ZIM2: variants seen among roughly 807,000 people sequenced by gnomAD.
ZIM2 encodes zinc finger imprinted 2.
In ZIM2, 14 loss-of-function variants were observed where a neutral mutation model predicts 38.6. That is an observed-to-expected ratio of 0.36 (90% CI 0.24 to 0.57). The LOEUF (loss-of-function observed/expected upper bound fraction) is 0.57. Ranked by LOEUF, ZIM2 falls within the 20% of genes least tolerant of loss-of-function variation. The probability of loss-of-function intolerance (pLI) is 0.81; values close to 1 mark genes in which losing one functional copy is unlikely to be tolerated. For synonymous variants in ZIM2, 247 were observed against 245.8 expected (o/e 1.00, Z -0.04); for missense variants, 680 against 695.1 (o/e 0.98, Z 0.24).
chr19:56,786,659 A>C (rs921134969), intron 10 of ZIM2, among the ~76,000 whole-genome samples: 1 of 152,150 alleles, frequency 6.6e-6, no homozygotes, highest in Admixed American at 6.5e-5. Context: ...ACGGCCAGAT[A>C]AAATTCAGCA....
intron 4 of ZIM2, 31 bp downstream of exon 4, chr19:56,824,231 C>G: frequency 6.2e-7 from 1 of 1,605,192 alleles, no homozygotes; most frequent in East Asian, 2.2e-5. Context: ...GAGGCCTGCA[C>G]TGACCACCAA....
chr19:56,782,208 C>G (rs2046363287), intron 10 of ZIM2, 87 bp from the exon 11 acceptor site: 2 of 1,531,246 alleles, frequency 1.3e-6, no homozygotes, highest in Non-Finnish European at 1.8e-6. Context: ...TCCACGTGCT[C>G]TAATCCAGAG....
rs768543949 is a variant in ZIM2, at chr19:56,823,633, G to A, written c.63C>T (p.Asn21=). The A allele has an allele frequency of 9.9e-6, 16 of 1,614,150 alleles. No homozygotes were observed. In the South Asian group the frequency reaches 1.8e-4, roughly 18 times the overall value. The change falls in exon 5 of 13, where the codon AAC becomes AAT. Residue 21 remains asparagine, a synonymous_variant. Transcript: ENST00000629319. ...DVTSDDDMTR[N]RRESSPPHSV... ...AGTGAGGTGGTGAGGACTCTCTTCT[G>A]TTCCGGGTCATGTCGTCGTCGCTGG...
chr19:56,821,727 G>A lies in ZIM2; in HGVS notation c.218C>T (p.Pro73Leu), dbSNP rs763203724. ...SRMPPRDLSL[P>L]VVAKTSFEMD... ...TTCAAAGCTTGTTTTCGCCACCACA[G>A]GAAGGGAAAGATCCCGCGGAGGCAT... Residue 73 changes from proline to leucine, a missense_variant, in exon 7 of 13, where the codon CCT becomes CTT. Transcript: ENST00000629319. 5.6e-6 allele frequency: 9 copies of A among 1,613,948 alleles called. No homozygotes were observed. The highest frequency in any genetic ancestry group is 8.5e-7 in the Non-Finnish European group (1 of 1,180,028).
At chr19:56,823,406 C>G (rs2060694187) in intron 5 of ZIM2, among the ~76,000 whole-genome samples, 184 bp downstream of exon 5, 1 of 152,140 alleles carries the variant, frequency 6.6e-6, no homozygotes, top group Non-Finnish European at 1.5e-5. Context: ...TTTAAGGTGT[C>G]TGTTTAGATA....
chr19:56,792,044 G>A (rs2145924889), intron 9 of ZIM2, among the ~76,000 whole-genome samples: 1 of 113,140 alleles, frequency 8.8e-6, no homozygotes, highest in Middle Eastern at 4.5e-3. Context: ...TTTTTTTGTA[G>A]TGTGTCTGTC....
chr19:56,835,667 T>TG (rs1320642884), intron 2 of ZIM2, among the ~76,000 whole-genome samples: 3 of 152,244 alleles, frequency 2.0e-5, no homozygotes, highest in Non-Finnish European at 4.4e-5. Flanking sequence ...TTTCCCCCAT[T>TG]GGGGCTATGT....
rs2059831970 is a variant in ZIM2, at chr19:56,814,914, T to C, written c.490+2832A>G. ...GGATTCTCTGATGCTCGAAAAGGAA[T>C]GAGCTATGAATAAAAGATTCCCCAC... On this transcript the variant is annotated intron_variant, in intron 9 of 12. Transcript: ENST00000629319. The surrounding 1 kb of genome is among the most constrained non-coding windows in gnomAD (Gnocchi z 5.8). 1.9e-6 allele frequency: 3 copies of C among 1,613,514 alleles called. No homozygotes were observed. The highest frequency in any genetic ancestry group is 1.7e-5 in the Admixed American group (1 of 60,008).
intron 2 of ZIM2, among the ~76,000 whole-genome samples, chr19:56,828,825 C>T (rs981678805): frequency 8.5e-5 from 13 of 152,052 alleles, no homozygotes; most frequent in African/African-American, 2.7e-4. Flanking sequence ...TAAAATATTA[C>T]AATAAACCTT....
rs370487905 is a variant in ZIM2 at position 56,822,744 on chromosome 19, A to G, written c.190+9T>C. 3.3e-5 allele frequency: 54 copies of G among 1,613,838 alleles called. No individual in the cohort carries two copies. The African/African-American group carries it at 6.4e-4, about 19-fold the overall frequency. On this transcript the variant is annotated intron_variant, in intron 6 of 12. Transcript: ENST00000629319. ...TCTCCTACTGGGAAAGAAAGTGGTT[A>G]AGACTCACTGCTTCTTGGGTTCCTG...
At chr19:56,813,240 C>G (rs1450817292) in intron 9 of ZIM2, 24 of 979,212 alleles carry the variant, frequency 2.5e-5, no homozygotes, top group Non-Finnish European at 2.7e-5. Flanking sequence ...GGTAAGGTAC[C>G]TCTGCAGAGT....
intron 9 of ZIM2, among the ~76,000 whole-genome samples, chr19:56,803,601 G>A (rs1176609362): frequency 6.6e-6 from 1 of 152,182 alleles, no homozygotes; most frequent in East Asian, 1.9e-4. Context: ...GAAGGAAAGG[G>A]GCAGGTTAAA....
chr19:56,826,761 T>C (rs1216326346), intron 2 of ZIM2, among the ~76,000 whole-genome samples: 1 of 152,214 alleles, frequency 6.6e-6, no homozygotes, highest in East Asian at 1.9e-4. Flanking sequence ...TTAATGCTGC[T>C]ATTATTGAAC....
chr19:56,832,619 G>T (rs1040100044), intron 2 of ZIM2, among the ~76,000 whole-genome samples: 4 of 152,202 alleles, frequency 2.6e-5, no homozygotes, highest in Admixed American at 6.5e-5. Flanking sequence ...GCACACAAGG[G>T]CTAGCTGACT....
intron 9 of ZIM2, among the ~76,000 whole-genome samples, chr19:56,794,935 A>G (rs2047118802): frequency 6.6e-6 from 1 of 152,166 alleles, no homozygotes; most frequent in Admixed American, 6.5e-5. Context: ...TTTATTCTTT[A>G]ATTTTACATT....
chr19:56,775,490 T>C lies in ZIM2; in HGVS notation c.875A>G (p.Asn292Ser), dbSNP rs1368006859. 1 of 1,613,662 alleles carries C rather than the reference T, an allele frequency of 6.2e-7. No homozygotes were observed. Among genetic ancestry groups the C allele is most frequent in the Non-Finnish European group, 8.5e-7 (1 of 1,179,944 alleles). The change falls in exon 13 of 13, where the codon AAC becomes AGC. Residue 292 changes from asparagine to serine, a missense_variant. Physicochemically the swap from Asn to Ser is conservative, Grantham distance 46. Transcript: ENST00000629319. The stretch of plus-strand genomic sequence containing the variant: ...TATAGGAGTCAAAAGTTTCTCTTGG[T>C]TGCCCTGGTGTGGTTCCAATGGATC... ...HDDPLEPHQG[N>S]QEKLLTPITM...
At chr19:56,806,759 A>T (rs1430280402) in intron 9 of ZIM2, among the ~76,000 whole-genome samples, 1 of 152,136 alleles carries the variant, frequency 6.6e-6, no homozygotes, top group Non-Finnish European at 1.5e-5. Flanking sequence ...CATGAGGGCT[A>T]AGCCCTCATG....
rs1293206854 is a variant in ZIM2 at position 56,821,752 on chromosome 19, T to C, written c.193A>G (p.Met65Val). 1.2e-6 allele frequency: 2 copies of C among 1,613,760 alleles called. No homozygotes were observed. The highest frequency in any genetic ancestry group is 1.3e-5 in the African/African-American group (1 of 75,006). Residue 65 changes from methionine to valine, a missense_variant and splice_region_variant, in exon 7 of 13, where the codon ATG (methionine) becomes GTG (valine). Met to Val is a conservative substitution (Grantham distance 21, BLOSUM62 1). Coordinates refer to ENST00000629319, the MANE Select transcript of ZIM2 (RefSeq NM_001387356.1). ...GGAAGGGAAAGATCCCGCGGAGGCA[T>C]CCCTGGGAAGAAAAAAGGCATCAAC... ...WSHTRNPRSR[M>V]PPRDLSLPVV...
chr19:56,804,559 T>G (rs2047670687), intron 9 of ZIM2, among the ~76,000 whole-genome samples: 1 of 152,228 alleles, frequency 6.6e-6, no homozygotes, highest in Admixed American at 6.5e-5. Context: ...TGACGTACTA[T>G]GATCTCATGT....
Sources: allele counts gnomAD v4.1 joint callset (sites outside exome capture counted in the v4.1 genomes callset), GRCh38; gene constraint gnomAD v4.1.1; non-coding constraint Gnocchi (gnomAD v3.1); transcripts MANE v1.5; gene names NCBI Gene and HGNC (gene_info 2026-07-23, HGNC 2026-07-21).